Variants in ENOX1 observed in about 807,000 individuals in gnomAD.
The protein encoded by ENOX1 is ecto-NOX disulfide-thiol exchanger 1, also known as candidate growth-related and time keeping constitutive hydroquinone (NADH) oxidase.
A neutral mutation model predicts 82.5 loss-of-function variants in ENOX1; 42 were observed. The ratio of observed to expected loss-of-function variants is 0.51; its 90% CI spans 0.40 to 0.66. ENOX1 has a LOEUF of 0.66. Ranked by LOEUF, ENOX1 falls within the 30% of genes least tolerant of loss-of-function variation. The pLI, the probability that ENOX1 is intolerant of heterozygous loss-of-function variation, is 0.00. For synonymous variants in ENOX1, 271 were observed against 282.2 expected, an observed-to-expected ratio of 0.96 and a Z score of 0.40; for missense variants, 608 against 811.6, an observed-to-expected ratio of 0.75 and a Z score of 3.05.
At chr13:43,301,493 C>T (rs2046572195) in intron 11 of ENOX1, among the ~76,000 whole-genome samples, 1 of 148,854 alleles carries the variant, frequency 6.7e-6, no homozygotes, top group Non-Finnish European at 1.5e-5. Flanking sequence ...CAGTGCCTGC[C>T]AAGCAGTATA....
At chr13:43,519,431 T>C (rs1053880431) in intron 2 of ENOX1, among the ~76,000 whole-genome samples, 1 of 152,168 alleles carries the variant, frequency 6.6e-6, no homozygotes, top group East Asian at 1.9e-4. Flanking sequence ...CCTACCTCTA[T>C]AGCCTGGTTG....
chr13:43,766,139 C>CA (rs376826438), intron 1 of ENOX1, among the ~76,000 whole-genome samples: 1 of 152,288 alleles, frequency 6.6e-6, no homozygotes, highest in African/African-American at 2.4e-5. Flanking sequence ...CTGGACACTG[C>CA]ATATTCCACT....
chr13:43,595,634 T>C (rs112655851), intron 2 of ENOX1, among the ~76,000 whole-genome samples: 7,365 of 152,172 alleles, frequency 0.048, 595 homozygotes, highest in African/African-American at 0.17. Flanking sequence ...GGGTACACTT[T>C]TCACTTTCAT....
intron 5 of ENOX1, among the ~76,000 whole-genome samples, chr13:43,400,354 G>A (rs989025539): frequency 2.6e-5 from 4 of 152,142 alleles, no homozygotes; most frequent in Admixed American, 1.3e-4. Context: ...CCCTCCACCT[G>A]AGTTACCAAA....
At chr13:43,384,945 G>A (rs1038518434) in intron 5 of ENOX1, among the ~76,000 whole-genome samples, 2 of 152,060 alleles carry the variant, frequency 1.3e-5, no homozygotes, top group African/African-American at 4.8e-5. Flanking sequence ...ATTCAAACAA[G>A]GCTGTTCATT....
rs193223906 is a variant in ENOX1, at chr13:43,267,083, T to C, written c.1555-1629A>G. On this transcript the variant is annotated intron_variant, in intron 13 of 16. Transcript: ENST00000690772. ...CCTGGCATTGTTCACTCCGCTGTGC[T>C]CCATTGCCAGAACCGTGGAGGAAAC... Among the ~76,000 whole-genome samples the C allele has an allele frequency of 5.8e-4, 88 of 152,290 alleles. 2 individuals are homozygous for C. The East Asian group carries it at 9.1e-3, about 16-fold the overall frequency.
At chr13:43,524,032 T>C (rs963135339) in intron 2 of ENOX1, among the ~76,000 whole-genome samples, 1 of 152,154 alleles carries the variant, frequency 6.6e-6, no homozygotes, top group African/African-American at 2.4e-5. Context: ...ACCGGACCCA[T>C]GGAATCTGTT....
At chr13:43,269,680 G>A in intron 12 of ENOX1, 103 bp from the exon 13 acceptor site, 1 of 871,292 alleles carries the variant, frequency 1.1e-6, no homozygotes, top group Admixed American at 1.9e-5. Flanking sequence ...ATGTTTACAA[G>A]TCTTGAAGCT....
chr13:43,405,921 C>T (rs2053766191), intron 5 of ENOX1, among the ~76,000 whole-genome samples: 1 of 152,172 alleles, frequency 6.6e-6, no homozygotes, highest in African/African-American at 2.4e-5. Flanking sequence ...AGCATAACCA[C>T]TTATCATGTT....
chr13:43,231,817 GT>G (rs1417792609), intron 15 of ENOX1, among the ~76,000 whole-genome samples: 7 of 152,220 alleles, frequency 4.6e-5, no homozygotes, highest in African/African-American at 1.7e-4. Context: ...TCCACCATCA[GT>G]TAATGCATGG....
rs1269045408 is a variant in ENOX1, at chr13:43,729,626, A to G, written c.-285+57026T>C. Among the ~76,000 whole-genome samples the G allele has an allele frequency of 2.6e-5, 4 of 152,200 alleles. No individual in the cohort carries two copies. In the South Asian group the frequency reaches 6.2e-4, roughly 24 times the overall value. ...CCTTGGGTTAACATGTGCATTCTCT[A>G]CCATCTCTCCCCATCAACCCCTAGA... On this transcript the variant is annotated intron_variant, in intron 1 of 16. Transcript: ENST00000690772.
chr13:43,726,866 C>T (rs2089006826), intron 1 of ENOX1, among the ~76,000 whole-genome samples: 1 of 151,934 alleles, frequency 6.6e-6, no homozygotes, highest in South Asian at 2.1e-4. Context: ...CTCAGCCTCC[C>T]GAGGAGCTGG....
At chr13:43,553,225 A>G (rs946176699) in intron 2 of ENOX1, among the ~76,000 whole-genome samples, 2 of 152,166 alleles carry the variant, frequency 1.3e-5, no homozygotes, top group South Asian at 2.1e-4. Context: ...TTAGGTAGCT[A>G]TTGTCATAAC....
intron 5 of ENOX1, among the ~76,000 whole-genome samples, chr13:43,367,984 A>G (rs1030179730): frequency 6.6e-6 from 1 of 152,176 alleles, no homozygotes; most frequent in African/African-American, 2.4e-5. Flanking sequence ...AAATAAACAA[A>G]CTCTGAAGAT....
intron 2 of ENOX1, among the ~76,000 whole-genome samples, chr13:43,510,642 T>C (rs2077333324): frequency 6.6e-6 from 1 of 152,078 alleles, no homozygotes; most frequent in African/African-American, 2.4e-5. Flanking sequence ...CTCATCTACG[T>C]GGGAGAGGCA....
At chr13:43,301,602 A>G (rs1566460179) in intron 11 of ENOX1, among the ~76,000 whole-genome samples, 1 of 152,006 alleles carries the variant, frequency 6.6e-6, no homozygotes, top group African/African-American at 2.4e-5. Flanking sequence ...AAAAAAATCA[A>G]TACCATAGCA....
intron 8 of ENOX1, among the ~76,000 whole-genome samples, chr13:43,354,250 T>C (rs1410161916): frequency 2.0e-5 from 3 of 152,262 alleles, no homozygotes; most frequent in African/African-American, 7.2e-5. Context: ...GATATCTGTA[T>C]CTGCACTGCA....
intron 3 of ENOX1, among the ~76,000 whole-genome samples, chr13:43,454,369 T>C (rs896766972): frequency 3.3e-5 from 5 of 152,138 alleles, no homozygotes; most frequent in South Asian, 2.1e-4. Context: ...GGTTAATCTA[T>C]AGTCTTGTCC....
chr13:43,626,255 T>C (rs891765873), intron 2 of ENOX1, among the ~76,000 whole-genome samples: 2 of 151,868 alleles, frequency 1.3e-5, no homozygotes, highest in East Asian at 1.9e-4. Flanking sequence ...TAGAAGCTAA[T>C]TGATCTTTCA....
Sources: allele counts gnomAD v4.1 joint callset (sites outside exome capture counted in the v4.1 genomes callset), GRCh38; gene constraint gnomAD v4.1.1; transcripts MANE v1.5; gene names NCBI Gene and HGNC (gene_info 2026-07-23, HGNC 2026-07-21).